The following CACNB3 variants were observed in gnomAD, a reference collection of about 807,000 sequenced individuals.
CACNB3 encodes the protein calcium voltage-gated channel auxiliary subunit beta 3.
A neutral mutation model predicts 63.7 loss-of-function variants in CACNB3; 36 were observed. That is an observed-to-expected ratio of 0.57 (90% CI 0.43 to 0.75). The LOEUF is 0.75. Ranked by LOEUF, CACNB3 falls within the 30% of genes least tolerant of loss-of-function variation. CACNB3 has a pLI of 0.00. For missense variants in CACNB3, 493 were observed against 648.6 expected, an observed-to-expected ratio of 0.76 and a Z score of 2.61; for synonymous variants, 241 against 250.6, an observed-to-expected ratio of 0.96 and a Z score of 0.36.
rs755768744 is a variant in CACNB3, at chr12:48,825,160, C to T, written c.493-3C>T. ...TTCTACTGACCTCATGTCCATTCTG[C>T]AGGCGGAACATGTTCCCCCATATGA... On this transcript the variant is annotated splice_polypyrimidine_tract_variant and splice_region_variant and intron_variant, in intron 6 of 12. Coordinates refer to ENST00000301050, the MANE Select transcript of CACNB3 (RefSeq NM_000725.4). The surrounding 1 kb of genome is among the most constrained non-coding windows in gnomAD (Gnocchi z 4.5). The T allele has an allele frequency of 1.9e-6, 3 of 1,613,630 alleles. No individual in the cohort carries two copies. The highest frequency in any genetic ancestry group is 2.5e-6 in the Non-Finnish European group (3 of 1,179,720).
chr12:48,824,604 C>A, intron 4 of CACNB3, 65 bp from the exon 5 acceptor site: 1 of 1,406,328 alleles, frequency 7.1e-7, no homozygotes, highest in Non-Finnish European at 1.0e-6. Context: ...TTAAATAATG[C>A]ATAGAACATA....
chr12:48,825,989 C>T lies in CACNB3; in HGVS notation c.742+220C>T, dbSNP rs1464707025. Among the ~76,000 whole-genome samples the T allele has an allele frequency of 6.6e-6, 1 of 152,118 alleles. No individual in the cohort carries two copies. On this transcript the variant is annotated intron_variant, in intron 9 of 12. Transcript: ENST00000301050. This position sits in a 1 kb window ranked among gnomAD's most constrained non-coding sequence, Gnocchi z 4.5. ...GACTACAGGCGCCCATCACCACGCC[C>T]AGCTAATTTTTGCATTTTTAGTAGA...
Position 48,825,186 on chromosome 12 carries a change from C to T in CACNB3, c.516C>T (p.Asp172=), listed in dbSNP as rs139391731. Residue 172 remains aspartate (D), a synonymous_variant, in exon 7 of 13, where the codon GAC becomes GAT. Coordinates refer to ENST00000301050, the MANE Select transcript of CACNB3 (RefSeq NM_000725.4). The surrounding 1 kb of genome is among the most constrained non-coding windows in gnomAD (Gnocchi z 4.5). The part of the protein sequence containing the change: ...QKQAEHVPPY[D]VVPSMRPVVL... ...AGGCGGAACATGTTCCCCCATATGA[C>T]GTGGTGCCCTCCATGCGGCCTGTGG... 293 of 1,614,116 alleles carry T rather than the reference C, an allele frequency of 1.8e-4. 1 individual carries two copies. The Admixed American group carries it at 4.1e-3, about 22-fold the overall frequency.
chr12:48,815,531 A>C, upstream of CACNB3: 11 of 1,465,842 alleles, frequency 7.5e-6, no homozygotes, highest in Admixed American at 2.3e-5. Flanking sequence ...GAGGGAGGGA[A>C]CCAGGGGAGA....
rs1230971506 is a variant in CACNB3, at chr12:48,818,555, A to ACGGGTT, written c.-372_-367dup. On this transcript the variant is annotated 5_prime_UTR_variant, in exon 1 of 13. Transcript: ENST00000301050. The surrounding 1 kb of genome is among the most constrained non-coding windows in gnomAD (Gnocchi z 4.3). ...CTCGGGGACCCACCTTCCACCTAGC[A>ACGGGTT]CGGGTTCGTTCCCCTCTCCCGGCCT... 1.9e-6 allele frequency: 2 copies of ACGGGTT among 1,044,922 alleles called. No individual in the cohort carries two copies. Among genetic ancestry groups the ACGGGTT allele is most frequent in the Non-Finnish European group, 2.3e-6 (2 of 870,052 alleles). The allele number at this position is 1,044,922 out of a possible 1,614,324, so 64.7% of individuals were successfully genotyped here.
At chr12:48,816,669 C>T (rs1942294706), upstream of CACNB3, among the ~76,000 whole-genome samples, 1 of 152,230 alleles carries the variant, frequency 6.6e-6, no homozygotes, top group Non-Finnish European at 1.5e-5. Flanking sequence ...CATGGCAACA[C>T]ATGCCTCAGG....
In CACNB3 at chr12:48,826,184, G is replaced by C. The variant is rs767270545; in HGVS notation, c.743-183G>C. The stretch of plus-strand genomic sequence containing the variant: ...GTCTTTCTGCCCAACTCCTCTACCT[G>C]CCCCCAGGATTGGCAAGAACACACC... On this transcript the variant is annotated intron_variant, in intron 9 of 12. Coordinates refer to ENST00000301050, the MANE Select transcript of CACNB3 (RefSeq NM_000725.4). The surrounding 1 kb of genome is among the most constrained non-coding windows in gnomAD (Gnocchi z 4.8). 2 of 613,998 alleles carry C rather than the reference G, an allele frequency of 3.3e-6. No homozygotes were observed. Among genetic ancestry groups the C allele is most frequent in the African/African-American group, 1.8e-5 (1 of 54,132 alleles). The allele number at this position is 613,998 out of a possible 1,614,324, so 38.0% of individuals were successfully genotyped here.
At position 48,819,033 on chromosome 12, in the gene CACNB3, C is replaced by T. The variant is rs1031520988; in HGVS notation, c.45+59C>T. On this transcript the variant is annotated intron_variant, in intron 1 of 12. Transcript: ENST00000301050. ...GTTGGGGTGACACCTCCTCTCCCTT[C>T]AACCCTTTCCCCGGTTCAGGACTTT... 9 of 1,544,118 alleles carry T rather than the reference C, an allele frequency of 5.8e-6. No individual in the cohort carries two copies. The African/African-American group carries it at 1.1e-4, about 19-fold the overall frequency.
At position 48,826,273 on chromosome 12, in the gene CACNB3, TC is replaced by T; in HGVS notation, c.743-92del. 7.7e-7 allele frequency: 1 copy of T among 1,298,440 alleles called. No homozygotes were observed. 80.4% of individuals were successfully genotyped at this position (1,298,440 alleles called of 1,614,324 possible). A position where few individuals can be genotyped will look rare whatever the true frequency, so the allele number is the denominator to read the frequency against. The stretch of plus-strand genomic sequence containing the variant: ...TCGATGAATGCCCTTTTCCTCCAAT[TC>T]CTTCCTGTCCACCATTCGGGAGCCC... On this transcript the variant is annotated intron_variant, in intron 9 of 12. Coordinates refer to ENST00000301050, the MANE Select transcript of CACNB3 (RefSeq NM_000725.4). The surrounding 1 kb of genome is among the most constrained non-coding windows in gnomAD (Gnocchi z 4.8).
Position 48,827,132 on chromosome 12 carries a change from T to G in CACNB3, c.1140+9T>G. 1 of 1,611,776 alleles carries G rather than the reference T, an allele frequency of 6.2e-7. No homozygotes were observed. Among genetic ancestry groups the G allele is most frequent in the Non-Finnish European group, 8.5e-7 (1 of 1,179,908 alleles). On this transcript the variant is annotated intron_variant, in intron 12 of 12. Coordinates refer to ENST00000301050, the MANE Select transcript of CACNB3 (RefSeq NM_000725.4). ...CCATCCCCGGACTTCAGGTAACCAT[T>G]TCCAGTGGGCAGAGATGCTCAAGCT... is the stretch of plus-strand genomic sequence containing the variant.
upstream of CACNB3, chr12:48,818,428 T>G (rs866527278): frequency 2.0e-6 from 2 of 986,248 alleles, no homozygotes; most frequent in African/African-American, 3.5e-5. This position sits in a 1 kb window ranked among gnomAD's most constrained non-coding sequence, Gnocchi z 4.3. Context: ...GCCGAGCGTC[T>G]CTGTCTCCGC....
In CACNB3 at chr12:48,823,372, C is replaced by T; in HGVS notation, c.74C>T (p.Pro25Leu). ...AGSADSYTSR[P>L]SLDSDVSLEE... is the part of the protein sequence containing the mutation. ...TCAGCCGACTCCTACACCAGCCGCCCATCTCTGGACTCAGACGTCTCCCTG... is the reference window on the plus strand; with the variant it reads ...TCAGCCGACTCCTACACCAGCCGCCTATCTCTGGACTCAGACGTCTCCCTG... The change falls in exon 2 of 13, where the codon CCA (proline) becomes CTA (leucine). Residue 25 changes from proline to leucine, a missense_variant. Physicochemically the swap from Pro to Leu is moderately conservative, Grantham distance 98 (BLOSUM62 -3). Coordinates refer to ENST00000301050, the MANE Select transcript of CACNB3 (RefSeq NM_000725.4). This position sits in a 1 kb window ranked among gnomAD's most constrained non-coding sequence, Gnocchi z 4.2. 5 of 1,614,166 alleles carry T rather than the reference C, an allele frequency of 3.1e-6. No individual in the cohort carries two copies. The highest frequency in any genetic ancestry group is 4.2e-6 in the Non-Finnish European group (5 of 1,180,002).
Position 48,823,819 on chromosome 12 carries a change from A to G in CACNB3, c.291+16A>G, listed in dbSNP as rs773959698. 5 of 1,613,558 alleles carry G rather than the reference A, an allele frequency of 3.1e-6. No homozygotes were observed. In the South Asian group the frequency reaches 5.5e-5, roughly 18 times the overall value. ...CATTAAAGAGGTGATCGACCCCCCTACTTCCAGAAGCCTCTAACTTCATTT... is the reference window on the plus strand; with the variant it reads ...CATTAAAGAGGTGATCGACCCCCCTGCTTCCAGAAGCCTCTAACTTCATTT... On this transcript the variant is annotated intron_variant, in intron 3 of 12. Coordinates refer to ENST00000301050, the MANE Select transcript of CACNB3 (RefSeq NM_000725.4). This position sits in a 1 kb window ranked among gnomAD's most constrained non-coding sequence, Gnocchi z 4.2.
chr12:48,826,935 G>T lies in CACNB3; in HGVS notation c.991-39G>T. 6.2e-7 allele frequency: 1 copy of T among 1,613,568 alleles called. No homozygotes were observed. Among genetic ancestry groups the T allele is most frequent in the South Asian group, 1.1e-5 (1 of 91,036 alleles). On this transcript the variant is annotated intron_variant, in intron 11 of 12. Coordinates refer to ENST00000301050, the MANE Select transcript of CACNB3 (RefSeq NM_000725.4). The surrounding 1 kb of genome is among the most constrained non-coding windows in gnomAD (Gnocchi z 4.8). ...TAGAGATGGGTGGGGGGCTGCTACT[G>T]AGGGGAAACCAACGTTGCGCCTTCC...
In CACNB3 at chr12:48,825,275, C is replaced by T; in HGVS notation, c.573+32C>T. ...GGAGGTCCTTGACCCCAAAGAGTCA[C>T]CTCTACCAAGCCTGCCACAGGAAGT... On this transcript the variant is annotated intron_variant, in intron 7 of 12. Coordinates refer to ENST00000301050, the MANE Select transcript of CACNB3 (RefSeq NM_000725.4). The surrounding 1 kb of genome is among the most constrained non-coding windows in gnomAD (Gnocchi z 4.5). 2 of 1,604,134 alleles carry T rather than the reference C, an allele frequency of 1.2e-6. No homozygotes were observed. The highest frequency in any genetic ancestry group is 1.7e-6 in the Non-Finnish European group (2 of 1,171,998).
chr12:48,814,561 C>G (rs910706895), upstream of CACNB3: 3 of 1,519,458 alleles, frequency 2.0e-6, no homozygotes, highest in Non-Finnish European at 2.6e-6. The surrounding 1 kb of genome is among the most constrained non-coding windows in gnomAD (Gnocchi z 6.9). Context: ...GAGGTAGGGA[C>G]GGGCTAGGGT....
Position 48,823,407 on chromosome 12 carries a change from C to T in CACNB3, c.109C>T (p.Arg37Trp), listed in dbSNP as rs981616782. 8.1e-6 allele frequency: 13 copies of T among 1,613,954 alleles called. No individual in the cohort carries two copies. The highest frequency in any genetic ancestry group is 2.2e-5 in the East Asian group (1 of 44,894). Residue 37 changes from arginine (R) to tryptophan (W), a missense_variant, in exon 2 of 13, where the codon CGG becomes TGG. Coordinates refer to ENST00000301050, the MANE Select transcript of CACNB3 (RefSeq NM_000725.4). This position sits in a 1 kb window ranked among gnomAD's most constrained non-coding sequence, Gnocchi z 4.2. ...CTCAGACGTCTCCCTGGAGGAGGAC[C>T]GGGAGAGTGCCCGGCGTGAAGTAGA... Reference protein sequence around the residue: ...LDSDVSLEEDRESARREVESQ... With the variant: ...LDSDVSLEEDWESARREVESQ...
chr12:48,816,825 A>G, upstream of CACNB3: 1 of 985,380 alleles, frequency 1.0e-6, no homozygotes, highest in Non-Finnish European at 1.2e-6. Flanking sequence ...GAGTGGATGC[A>G]GGGATGGGAA....
At chr12:48,816,857 C>T (rs907889663), upstream of CACNB3, 66 of 985,390 alleles carry the variant, frequency 6.7e-5, no homozygotes, top group Non-Finnish European at 8.0e-5. Flanking sequence ...GCCTCCACCA[C>T]TGCTTTCTTC....
Sources: allele counts gnomAD v4.1 joint callset (sites outside exome capture counted in the v4.1 genomes callset), GRCh38; gene constraint gnomAD v4.1.1; non-coding constraint Gnocchi (gnomAD v3.1); transcripts MANE v1.5; gene names NCBI Gene and HGNC (gene_info 2026-07-23, HGNC 2026-07-21).